The following PLCB4 variants were observed in gnomAD, a reference collection of about 807,000 sequenced individuals.
PLCB4 encodes phospholipase C beta 4, also known as 1-phosphatidylinositol 4,5-bisphosphate phosphodiesterase beta-4.
Under a neutral mutation model 178.8 loss-of-function variants are expected in PLCB4, and 77 were observed. That is an observed-to-expected ratio of 0.43 (90% CI 0.36 to 0.52). PLCB4 has a LOEUF of 0.52. Among genes scored for constraint, PLCB4 ranks in the 20% least tolerant of loss-of-function variants. PLCB4 has a pLI of 0.00. For synonymous variants in PLCB4, 496 were observed against 490.8 expected (o/e 1.01, Z -0.14); for missense variants, 1,024 against 1,453.4 (o/e 0.70, Z 4.80).
chr20:9,197,109 G>C (rs1246855096), intron 2 of PLCB4, among the ~76,000 whole-genome samples: 1 of 152,208 alleles, frequency 6.6e-6, no homozygotes, highest in Non-Finnish European at 1.5e-5. Flanking sequence ...GATTAGAGGA[G>C]AGTTAAATTC....
intron 4 of PLCB4, among the ~76,000 whole-genome samples, chr20:9,330,171 C>T (rs2031417994): frequency 6.6e-6 from 1 of 152,144 alleles, no homozygotes; most frequent in Admixed American, 6.5e-5. Flanking sequence ...AAAGCTAGAC[C>T]TCTTGGTTAA....
At chr20:9,278,188 TG>T (rs2094466093) in intron 3 of PLCB4, among the ~76,000 whole-genome samples, 1 of 151,954 alleles carries the variant, frequency 6.6e-6, no homozygotes, top group South Asian at 2.1e-4. Flanking sequence ...AGGGAAGAGG[TG>T]GCTTGTGAAC....
At chr20:9,319,889 G>A (rs894570653) in intron 4 of PLCB4, among the ~76,000 whole-genome samples, 5 of 152,272 alleles carry the variant, frequency 3.3e-5, no homozygotes, top group African/African-American at 1.2e-4. Context: ...CATGACAGGT[G>A]TTTTTTAGCA....
intron 1 of PLCB4, among the ~76,000 whole-genome samples, chr20:9,075,569 G>C (rs573228602): frequency 6.6e-6 from 1 of 152,346 alleles, no homozygotes; most frequent in South Asian, 2.1e-4. Flanking sequence ...GGTGTACTCT[G>C]ATTCCTCTAA....
chr20:9,159,445 G>A (rs2092846254), intron 2 of PLCB4, among the ~76,000 whole-genome samples: 1 of 152,156 alleles, frequency 6.6e-6, no homozygotes, highest in Non-Finnish European at 1.5e-5. Context: ...TCATCTTTGA[G>A]TTTAAAATAA....
chr20:9,442,660 T>G (rs1362105801), intron 30 of PLCB4, among the ~76,000 whole-genome samples: 1 of 152,138 alleles, frequency 6.6e-6, no homozygotes, highest in Non-Finnish European at 1.5e-5. Flanking sequence ...AGCTGAGGCC[T>G]AAAGACAGGG....
At chr20:9,384,586 A>G (rs527989216) in intron 14 of PLCB4, among the ~76,000 whole-genome samples, 175 bp downstream of exon 14, 17 of 152,358 alleles carry the variant, frequency 1.1e-4, no homozygotes, top group African/African-American at 3.1e-4. Context: ...TCTCTTTCGG[A>G]AAAATCTTCA....
intron 2 of PLCB4, among the ~76,000 whole-genome samples, chr20:9,177,553 C>T (rs1362148767): frequency 6.6e-6 from 1 of 152,092 alleles, no homozygotes; most frequent in East Asian, 1.9e-4. Flanking sequence ...TTGAAAGCAA[C>T]TTAGAACCAA....
chr20:9,133,291 G>A (rs2092314144), intron 2 of PLCB4, among the ~76,000 whole-genome samples: 1 of 151,932 alleles, frequency 6.6e-6, no homozygotes, highest in Non-Finnish European at 1.5e-5. Flanking sequence ...TTGTTGAGAT[G>A]GTCTCTCGCT....
intron 3 of PLCB4, among the ~76,000 whole-genome samples, chr20:9,224,819 A>C (rs2093843321): frequency 6.6e-6 from 1 of 152,326 alleles, no homozygotes; most frequent in East Asian, 1.9e-4. Context: ...ACAGTTGCTA[A>C]GCTCAACATT....
chr20:9,138,479 G>C (rs937863628), intron 2 of PLCB4, among the ~76,000 whole-genome samples: 2 of 151,988 alleles, frequency 1.3e-5, no homozygotes, highest in Non-Finnish European at 2.9e-5. Flanking sequence ...TAATTCAGGA[G>C]CATCTCAAAA....
At chr20:9,443,603 T>G (rs2042235265) in intron 30 of PLCB4, among the ~76,000 whole-genome samples, 1 of 152,144 alleles carries the variant, frequency 6.6e-6, no homozygotes, top group Non-Finnish European at 1.5e-5. Context: ...TGGGTGCCAT[T>G]TGTACTGAAG....
At chr20:9,218,246 A>G (rs1183936831) in intron 3 of PLCB4, among the ~76,000 whole-genome samples, 3 of 152,098 alleles carry the variant, frequency 2.0e-5, no homozygotes, top group Non-Finnish European at 4.4e-5. Flanking sequence ...GAGTAGCATT[A>G]CAGGTGCATG....
intron 6 of PLCB4, 100 bp from the exon 7 acceptor site, chr20:9,338,794 G>GT: frequency 1.1e-6 from 1 of 882,146 alleles, no homozygotes; most frequent in Non-Finnish European, 1.8e-6. Context: ...GGGCCCTTAT[G>GT]TTTATTTTTA....
intron 2 of PLCB4, among the ~76,000 whole-genome samples, chr20:9,115,870 G>T (rs953628281): frequency 3.3e-5 from 5 of 151,570 alleles, no homozygotes; most frequent in African/African-American, 1.2e-4. Context: ...ATGATTTTAG[G>T]CTCTAGATTT....
chr20:9,084,554 G>A (rs1322068008), intron 1 of PLCB4, among the ~76,000 whole-genome samples: 2 of 151,654 alleles, frequency 1.3e-5, no homozygotes, highest in African/African-American at 2.4e-5. Flanking sequence ...CATTCATTAA[G>A]TGCATTGTAG....
At chr20:9,348,135 C>T (rs1162085549) in intron 7 of PLCB4, among the ~76,000 whole-genome samples, 2 of 152,110 alleles carry the variant, frequency 1.3e-5, no homozygotes, top group Non-Finnish European at 2.9e-5. Flanking sequence ...ATCATGACAC[C>T]AGGAGTCAGC....
intron 7 of PLCB4, among the ~76,000 whole-genome samples, chr20:9,346,758 A>G (rs1295472216): frequency 6.6e-6 from 1 of 152,168 alleles, no homozygotes; most frequent in Non-Finnish European, 1.5e-5. Context: ...TAAATGTCCC[A>G]TCCCACCTAA....
intron 2 of PLCB4, among the ~76,000 whole-genome samples, chr20:9,155,360 C>T (rs758635248): frequency 1.3e-5 from 2 of 151,976 alleles, no homozygotes; most frequent in Non-Finnish European, 2.9e-5. Context: ...TTGATGGGCA[C>T]TTAGGTTGGT....
Sources: gnomAD v4.1 joint callset for allele counts (sites outside exome capture counted in the v4.1 genomes callset) on GRCh38, gnomAD v4.1.1 for gene constraint, MANE v1.5 for transcripts, NCBI Gene and HGNC (gene_info 2026-07-23, HGNC 2026-07-21) for gene names.